Variants in MACROD2 observed in about 807,000 individuals in gnomAD.
MACROD2 encodes the protein mono-ADP ribosylhydrolase 2.
A neutral mutation model predicts 70.4 loss-of-function variants in MACROD2; 36 were observed. That is an observed-to-expected ratio of 0.51 (90% CI 0.39 to 0.68). The LOEUF (loss-of-function observed/expected upper bound fraction) is 0.68, where lower values mean the gene tolerates loss of function less well. MACROD2 is among the 30% of genes least tolerant of loss of function. The pLI is 0.00. For synonymous variants in MACROD2, 172 were observed against 178.8 expected (o/e 0.96, Z 0.30); for missense variants, 496 against 538.4 (o/e 0.92, Z 0.78).
At chr20:14,323,996 T>G (rs916751603) in intron 3 of MACROD2, 2 of 152,178 alleles carry the variant, frequency 1.3e-5, no homozygotes, top group African/African-American at 4.8e-5. Context: ...CTCAAGATGT[T>G]GATTTTTTAA....
rs190332186 is a variant in MACROD2 at position 15,365,541 on chromosome 20, A to G, written c.541-65864A>G. Among the ~76,000 whole-genome samples the G allele has an allele frequency of 5.0e-4, 76 of 151,972 alleles. No homozygotes were observed. In the East Asian group the frequency reaches 0.012, roughly 25 times the overall value. On this transcript the variant is annotated intron_variant, in intron 6 of 17. Transcript: ENST00000684519. ...CCGGGCATGGTGGCATGTGCCTGTA[A>G]TCCCAGGTACTTAGGAGGCTGAGGC...
In MACROD2 at chr20:14,134,839, T is replaced by C. The variant is rs937474820; in HGVS notation, c.271+49111T>C. ...AAAAAAAAACAGCTACAAATTCATG[T>C]CAATGAATAGGGATTTTCAAATTAT... On this transcript the variant is annotated intron_variant, in intron 3 of 17. Coordinates refer to ENST00000684519, the MANE Select transcript of MACROD2 (RefSeq NM_001351661.2). Among the ~76,000 whole-genome samples the C allele has an allele frequency of 4.7e-5, 7 of 149,042 alleles. No individual in the cohort carries two copies. The South Asian group carries it at 1.5e-3, about 32-fold the overall frequency.
chr20:14,439,409 AT>A (rs1555791542), intron 3 of MACROD2, among the ~76,000 whole-genome samples: 1 of 152,114 alleles, frequency 6.6e-6, no homozygotes, highest in Non-Finnish European at 1.5e-5. Context: ...AAAATATCCT[AT>A]TAAGTTTTCA....
At chr20:15,623,995 G>A (rs1008742155) in intron 8 of MACROD2, among the ~76,000 whole-genome samples, 5 of 152,110 alleles carry the variant, frequency 3.3e-5, no homozygotes, top group East Asian at 1.9e-4. Flanking sequence ...CACAATAGGC[G>A]GTCTGGAAGC....
At chr20:15,725,096 C>T (rs990333481) in intron 8 of MACROD2, among the ~76,000 whole-genome samples, 1 of 151,874 alleles carries the variant, frequency 6.6e-6, no homozygotes, top group Admixed American at 6.6e-5. Context: ...AACAAACAAA[C>T]AACAACAAAA....
At chr20:15,475,486 C>A (rs373732230) in intron 7 of MACROD2, among the ~76,000 whole-genome samples, 1 of 152,202 alleles carries the variant, frequency 6.6e-6, no homozygotes, top group East Asian at 1.9e-4. Flanking sequence ...CCAGGAAAAT[C>A]ACATTCAGAT....
At chr20:15,141,141 G>A (rs575235654) in intron 5 of MACROD2, among the ~76,000 whole-genome samples, 47 of 151,146 alleles carry the variant, frequency 3.1e-4, no homozygotes, top group Admixed American at 2.6e-3. Context: ...TGCATAAGGA[G>A]TGCATGTGGT....
At chr20:15,577,655 A>C (rs149070859) in intron 8 of MACROD2, among the ~76,000 whole-genome samples, 2,419 of 151,800 alleles carry the variant, frequency 0.016, 26 homozygotes, top group East Asian at 0.042. Flanking sequence ...GCGTGCGTAC[A>C]TATTTATGTG....
intron 5 of MACROD2, among the ~76,000 whole-genome samples, chr20:14,988,335 G>T (rs990847682): frequency 1.6e-5 from 2 of 125,296 alleles, no homozygotes; most frequent in African/African-American, 6.2e-5. Context: ...CTGTACTCCA[G>T]CCAGAGAATG....
chr20:15,433,980 C>T (rs1041762341), intron 7 of MACROD2, among the ~76,000 whole-genome samples: 2 of 151,820 alleles, frequency 1.3e-5, no homozygotes, highest in Non-Finnish European at 2.9e-5. Flanking sequence ...TGCTGGGAAA[C>T]CTGGCAAGCC....
chr20:14,832,034 G>GTTTT (rs1180071947), intron 5 of MACROD2, among the ~76,000 whole-genome samples: 15 of 63,670 alleles, frequency 2.4e-4, no homozygotes, highest in African/African-American at 5.0e-4. Context: ...GCCTTTGCGA[G>GTTTT]TTTTTTTTTT....
intron 7 of MACROD2, 24 bp downstream of exon 7, chr20:15,431,459 T>C (rs772617345): frequency 4.4e-6 from 7 of 1,603,916 alleles, no homozygotes; most frequent in Non-Finnish European, 6.0e-6. Flanking sequence ...CTTTTGATGA[T>C]GTTTGTATTT....
intron 5 of MACROD2, among the ~76,000 whole-genome samples, chr20:15,019,677 G>T (rs1211374945): frequency 6.6e-6 from 1 of 152,024 alleles, no homozygotes; most frequent in African/African-American, 2.4e-5. Context: ...AGTTAGATGA[G>T]GGCATATTAC....
chr20:14,485,678 GGC>G (rs1193957979), intron 3 of MACROD2, among the ~76,000 whole-genome samples: 1 of 89,986 alleles, frequency 1.1e-5, no homozygotes. Flanking sequence ...CTCCAGCCTG[GGC>G]AACAGAGCAA....
intron 8 of MACROD2, among the ~76,000 whole-genome samples, chr20:15,832,969 C>T (rs558888407): frequency 3.3e-5 from 5 of 152,290 alleles, no homozygotes; most frequent in Admixed American, 2.0e-4. Context: ...ATTGTTTTAA[C>T]CAAATATGAT....
intron 2 of MACROD2, among the ~76,000 whole-genome samples, chr20:14,042,964 G>T (rs2053414903): frequency 6.6e-6 from 1 of 151,592 alleles, no homozygotes; most frequent in African/African-American, 2.4e-5. Context: ...TGTCACCCAG[G>T]CTGGAGTGCA....
At chr20:15,867,315 G>A (rs2064507214) in intron 9 of MACROD2, among the ~76,000 whole-genome samples, 2 of 152,132 alleles carry the variant, frequency 1.3e-5, no homozygotes, top group South Asian at 4.1e-4. Flanking sequence ...CCATAAAATT[G>A]CCCCTTGTAG....
Position 15,546,306 on chromosome 20 carries a change from G to A in MACROD2, c.645+46459G>A, listed in dbSNP as rs140694554. ...AGCTAACACTTCTTGAACGTCTGCAGAGACTGTGCTAAATGACTGTAAATG... is the reference window on the plus strand; with the variant it reads ...AGCTAACACTTCTTGAACGTCTGCAAAGACTGTGCTAAATGACTGTAAATG... On this transcript the variant is annotated intron_variant, in intron 8 of 17. Coordinates refer to ENST00000684519, the MANE Select transcript of MACROD2 (RefSeq NM_001351661.2). Among the ~76,000 whole-genome samples, 57 of 152,310 alleles carry A rather than the reference G, an allele frequency of 3.7e-4. 1 individual carries two copies. The highest frequency in any genetic ancestry group is 2.7e-3 in the East Asian group (14 of 5,184).
At chr20:15,082,492 G>A (rs766525578) in intron 5 of MACROD2, among the ~76,000 whole-genome samples, 2 of 129,468 alleles carry the variant, frequency 1.5e-5, no homozygotes, top group Non-Finnish European at 3.2e-5. Context: ...TCAGTGAAAT[G>A]TTCCTTTATC....
Sources: gnomAD v4.1 joint callset for allele counts (sites outside exome capture counted in the v4.1 genomes callset) on GRCh38, gnomAD v4.1.1 for gene constraint, MANE v1.5 for transcripts, NCBI Gene and HGNC (gene_info 2026-07-23, HGNC 2026-07-21) for gene names.